Variants in FGF12 observed in about 807,000 individuals in gnomAD.
FGF12 encodes fibroblast growth factor 12.
A neutral mutation model predicts 23.6 loss-of-function variants in FGF12; 14 were observed. The observed-to-expected ratio is 0.59, with a 90% CI of 0.39 to 0.93. FGF12 has a LOEUF of 0.93. FGF12 is among the 40% of genes least tolerant of loss of function. The probability of loss-of-function intolerance (pLI) is 0.00; values close to 1 mark genes in which losing one functional copy is unlikely to be tolerated. For missense variants in FGF12, 175 were observed against 217.8 expected (o/e 0.80, Z 1.24); for synonymous variants, 62 against 77.3 (o/e 0.80, Z 1.04).
intron 2 of FGF12, among the ~76,000 whole-genome samples, chr3:192,694,835 T>C (rs766675928): frequency 1.2e-4 from 18 of 151,728 alleles, no homozygotes; most frequent in Non-Finnish European, 2.5e-4. Flanking sequence ...GTCAAATACA[T>C]AGAAACAGAG....
intron 2 of FGF12, among the ~76,000 whole-genome samples, chr3:192,696,034 G>A (rs934521347): frequency 3.3e-5 from 5 of 152,144 alleles, no homozygotes; most frequent in African/African-American, 9.7e-5. Context: ...AGGAGGCAGC[G>A]GTTGCACTGA....
intron 2 of FGF12, among the ~76,000 whole-genome samples, chr3:192,714,463 T>C (rs1246218179): frequency 2.0e-5 from 3 of 151,992 alleles, no homozygotes; most frequent in Non-Finnish European, 4.4e-5. Flanking sequence ...ACTTGCATAG[T>C]TTTTAGTCTG....
At chr3:192,687,438 G>C (rs1229096999) in intron 2 of FGF12, among the ~76,000 whole-genome samples, 1 of 152,216 alleles carries the variant, frequency 6.6e-6, no homozygotes, top group Non-Finnish European at 1.5e-5. Context: ...GCAGAACTTT[G>C]ACTCTGCCTG....
intron 4 of FGF12, among the ~76,000 whole-genome samples, chr3:192,278,802 G>T (rs1713959632): frequency 6.6e-6 from 1 of 152,156 alleles, no homozygotes. Flanking sequence ...ACTACAGTAG[G>T]TAAGCGCTAC....
intron 2 of FGF12, among the ~76,000 whole-genome samples, chr3:192,653,332 C>CA (rs1237240838): frequency 6.6e-6 from 1 of 152,064 alleles, no homozygotes; most frequent in East Asian, 1.9e-4. Context: ...TTAGAATAAT[C>CA]AAAAAATCTC....
At chr3:192,146,118 C>T (rs990905766) in intron 5 of FGF12, among the ~76,000 whole-genome samples, 1 of 152,168 alleles carries the variant, frequency 6.6e-6, no homozygotes, top group Non-Finnish European at 1.5e-5. Context: ...AAAACTTACA[C>T]ATCTGCAGGT....
intron 5 of FGF12, among the ~76,000 whole-genome samples, chr3:192,149,106 T>C (rs559889907): frequency 6.6e-6 from 1 of 152,340 alleles, no homozygotes; most frequent in South Asian, 2.1e-4. Flanking sequence ...AGAGTTAATA[T>C]ACTTAGTTAA....
intron 4 of FGF12, among the ~76,000 whole-genome samples, chr3:192,239,359 C>T (rs1719476215): frequency 1.3e-5 from 2 of 152,088 alleles, no homozygotes; most frequent in South Asian, 2.1e-4. Flanking sequence ...GGAACAAATC[C>T]CTGATCTCTT....
At chr3:192,222,964 T>C (rs1431654563) in intron 4 of FGF12, among the ~76,000 whole-genome samples, 3 of 152,320 alleles carry the variant, frequency 2.0e-5, no homozygotes, top group Non-Finnish European at 2.9e-5. Flanking sequence ...CCACGTTTCA[T>C]GTCCTTCCTC....
intron 4 of FGF12, among the ~76,000 whole-genome samples, chr3:192,296,062 C>CTTTT (rs34021285): frequency 0.016 from 1,269 of 77,710 alleles, 1 homozygote; most frequent in Non-Finnish European, 0.021. Context: ...GTTTTTCTTT[C>CTTTT]TTTTTTTTTT....
intron 4 of FGF12, among the ~76,000 whole-genome samples, chr3:192,213,104 C>T (rs934025012): frequency 6.6e-6 from 1 of 152,218 alleles, no homozygotes; most frequent in Admixed American, 6.5e-5. Context: ...GAAGGTTCCT[C>T]ACAGAACGTG....
chr3:192,624,832 C>T (rs1325053106), intron 2 of FGF12, among the ~76,000 whole-genome samples: 1 of 152,050 alleles, frequency 6.6e-6, no homozygotes, highest in Non-Finnish European at 1.5e-5. Flanking sequence ...TTTTAAAAGT[C>T]TCTATCCCCT....
intron 2 of FGF12, among the ~76,000 whole-genome samples, chr3:192,550,192 T>C (rs1725596523): frequency 6.6e-6 from 1 of 150,774 alleles, no homozygotes; most frequent in African/African-American, 2.4e-5. Flanking sequence ...AGCCACAGGA[T>C]GTGAGGTGTA....
At chr3:192,470,512 C>G (rs1304745930) in intron 2 of FGF12, among the ~76,000 whole-genome samples, 1 of 152,154 alleles carries the variant, frequency 6.6e-6, no homozygotes, top group Non-Finnish European at 1.5e-5. Flanking sequence ...CCTCGGCCCC[C>G]CGAATATCTG....
intron 4 of FGF12, among the ~76,000 whole-genome samples, chr3:192,322,413 A>G (rs1716593749): frequency 6.6e-6 from 1 of 152,122 alleles, no homozygotes; most frequent in Admixed American, 6.5e-5. Flanking sequence ...TACAGATTCA[A>G]TGCAATCTTT....
intron 5 of FGF12, among the ~76,000 whole-genome samples, chr3:192,161,027 T>C (rs1714839811): frequency 6.6e-6 from 1 of 151,888 alleles, no homozygotes; most frequent in South Asian, 2.1e-4. Flanking sequence ...ATAAGAAAAA[T>C]CAATGAAACA....
intron 5 of FGF12, among the ~76,000 whole-genome samples, chr3:192,168,047 G>C (rs1715327046): frequency 6.6e-6 from 1 of 151,768 alleles, no homozygotes. Context: ...TTACAGGCGT[G>C]AGCCACCAAG....
chr3:192,489,940 A>G (rs1456695031), intron 2 of FGF12, among the ~76,000 whole-genome samples: 1 of 152,114 alleles, frequency 6.6e-6, no homozygotes, highest in East Asian at 1.9e-4. Flanking sequence ...ACACATGTTT[A>G]TCTATTTAAC....
chr3:192,519,960 C>T (rs1291705487), intron 2 of FGF12, among the ~76,000 whole-genome samples: 1 of 152,196 alleles, frequency 6.6e-6, no homozygotes, highest in East Asian at 1.9e-4. Flanking sequence ...AATTGTTTGG[C>T]ATCACATAAT....
Sources: gnomAD v4.1 joint callset for allele counts (sites outside exome capture counted in the v4.1 genomes callset) on GRCh38, gnomAD v4.1.1 for gene constraint, MANE v1.5 for transcripts, NCBI Gene and HGNC (gene_info 2026-07-23, HGNC 2026-07-21) for gene names.